Variants in EPHA5 observed in about 807,000 individuals in gnomAD.
The protein encoded by EPHA5 is ephrin type-A receptor 5.
EPHA5 carries 60 observed loss-of-function variants against 105.0 expected under a neutral mutation model. The observed-to-expected ratio is 0.57, with a 90% CI of 0.46 to 0.71. The LOEUF is 0.71. Ranked by LOEUF, EPHA5 falls within the 30% of genes least tolerant of loss-of-function variation. The probability of loss-of-function intolerance (pLI) is 0.00; values close to 1 mark genes in which losing one functional copy is unlikely to be tolerated. For missense variants in EPHA5, 1,218 were observed against 1,274.7 expected (o/e 0.96, Z 0.68); for synonymous variants, 513 against 449.1 (o/e 1.14, Z -1.80).
chr4:65,551,635 C>T (rs1477403121), intron 3 of EPHA5, among the ~76,000 whole-genome samples: 3 of 152,030 alleles, frequency 2.0e-5, no homozygotes. Flanking sequence ...TGTGTTGTGG[C>T]ATAGTTCCTA....
At chr4:65,361,932 A>G (rs1717367548) in intron 11 of EPHA5, among the ~76,000 whole-genome samples, 1 of 151,564 alleles carries the variant, frequency 6.6e-6, no homozygotes, top group African/African-American at 2.4e-5. Flanking sequence ...AGGATGCTGC[A>G]GTGAAAAAAT....
At chr4:65,398,527 T>TG (rs1305393546) in intron 8 of EPHA5, among the ~76,000 whole-genome samples, 3 of 152,080 alleles carry the variant, frequency 2.0e-5, no homozygotes, top group African/African-American at 7.2e-5. Context: ...GCCTGAAGCC[T>TG]GGGGGCTAAG....
chr4:65,433,941 T>A (rs1725236932), intron 5 of EPHA5, among the ~76,000 whole-genome samples: 1 of 151,798 alleles, frequency 6.6e-6, no homozygotes, highest in South Asian at 2.1e-4. Flanking sequence ...CTACAACTAC[T>A]CTACTCGGGA....
intron 5 of EPHA5, among the ~76,000 whole-genome samples, chr4:65,429,473 A>T (rs917612269): frequency 2.6e-5 from 4 of 152,054 alleles, no homozygotes; most frequent in African/African-American, 9.7e-5. Flanking sequence ...ACTAACAGTA[A>T]CAAGGCCATA....
In EPHA5 at chr4:65,348,675, TATATATATATATATATATATATAA is replaced by T. The variant is rs1232678643; in HGVS notation, c.2446-496_2446-473del. Among the ~76,000 whole-genome samples, 27 of 76,892 alleles carry T rather than the reference TATATATATATATATATATATATAA, an allele frequency of 3.5e-4. 1 individual carries two copies. Among genetic ancestry groups the T allele is most frequent in the Non-Finnish European group, 5.9e-4 (21 of 35,526 alleles). 50.4% of individuals were successfully genotyped at this position (76,892 alleles called of 152,430 possible). A position where few individuals can be genotyped will look rare whatever the true frequency, so the allele number is the denominator to read the frequency against. ...AACATTGGAGATATATATATATATA[TATATATATATATATATATATATAA>T]AATATATATGTGTGTGTATATATAT... On this transcript the variant is annotated intron_variant, in intron 13 of 16. Transcript: ENST00000613740.
intron 5 of EPHA5, among the ~76,000 whole-genome samples, chr4:65,446,415 G>A (rs1180428657): frequency 6.6e-6 from 1 of 152,036 alleles, no homozygotes; most frequent in Non-Finnish European, 1.5e-5. Flanking sequence ...TGACACTACA[G>A]GAAAAGGAAA....
intron 3 of EPHA5, among the ~76,000 whole-genome samples, chr4:65,597,491 GA>G (rs5858972): frequency 0.37 from 56,699 of 151,396 alleles, 11,239 homozygotes; most frequent in African/African-American, 0.51. Flanking sequence ...GTCTTAAGGG[GA>G]AAAAAATAGC....
intron 1 of EPHA5, among the ~76,000 whole-genome samples, chr4:65,653,796 A>G (rs549381858): frequency 6.6e-6 from 1 of 152,212 alleles, no homozygotes; most frequent in East Asian, 1.9e-4. Flanking sequence ...TTTTTCTGTG[A>G]TATTGTGGCA....
chr4:65,476,283 AT>A (rs1230177793), intron 5 of EPHA5, among the ~76,000 whole-genome samples: 1 of 152,146 alleles, frequency 6.6e-6, no homozygotes, highest in Admixed American at 6.6e-5. Context: ...AAGATTGAAA[AT>A]ACTGTGAATT....
chr4:65,557,174 G>C (rs565529563), intron 3 of EPHA5, among the ~76,000 whole-genome samples: 2 of 144,016 alleles, frequency 1.4e-5, no homozygotes, highest in East Asian at 4.1e-4. Context: ...TGGGGACGGG[G>C]CATGGTGAGA....
At chr4:65,551,452 TC>T (rs1737916751) in intron 3 of EPHA5, among the ~76,000 whole-genome samples, 2 of 152,066 alleles carry the variant, frequency 1.3e-5, no homozygotes, top group Non-Finnish European at 2.9e-5. Context: ...CAATTGACTG[TC>T]CTTAATCAAA....
At chr4:65,655,532 A>G (rs1748981203) in intron 1 of EPHA5, among the ~76,000 whole-genome samples, 1 of 152,126 alleles carries the variant, frequency 6.6e-6, no homozygotes, top group Non-Finnish European at 1.5e-5. Flanking sequence ...TTGCAATAAT[A>G]GTCTCTAAAT....
At position 65,429,391 on chromosome 4, in the gene EPHA5, T is replaced by A. The variant is rs112935941; in HGVS notation, c.1403-8826A>T. On this transcript the variant is annotated intron_variant, in intron 5 of 16. Coordinates refer to ENST00000613740, the MANE Select transcript of EPHA5 (RefSeq NM_001281766.3). ...CAGAAACAAATTTTTATAGCTTATGTTTAACAAGAAAAAATTAGTCTCCTC... is the reference window on the plus strand; with the variant it reads ...CAGAAACAAATTTTTATAGCTTATGATTAACAAGAAAAAATTAGTCTCCTC... Among the ~76,000 whole-genome samples, 220 of 151,848 alleles carry A rather than the reference T, an allele frequency of 1.4e-3. 1 individual carries two copies. Among genetic ancestry groups the A allele is most frequent in the African/African-American group, 4.5e-3 (187 of 41,548 alleles).
chr4:65,533,215 G>GA (rs1735986257), intron 3 of EPHA5, among the ~76,000 whole-genome samples: 1 of 151,728 alleles, frequency 6.6e-6, no homozygotes, highest in Non-Finnish European at 1.5e-5. Flanking sequence ...TAGGCTTGCT[G>GA]CTTAAGGCTT....
chr4:65,409,528 G>A (rs1434628814), intron 7 of EPHA5, among the ~76,000 whole-genome samples: 1 of 151,952 alleles, frequency 6.6e-6, no homozygotes, highest in Non-Finnish European at 1.5e-5. Flanking sequence ...CACACTCCTG[G>A]TTGTAGACCC....
chr4:65,448,087 A>G (rs1380441137), intron 5 of EPHA5, among the ~76,000 whole-genome samples: 1 of 149,534 alleles, frequency 6.7e-6, no homozygotes, highest in African/African-American at 2.4e-5. Context: ...TGAAAACTGT[A>G]AAAATCATAA....
At chr4:65,652,065 A>G (rs1427755985) in intron 1 of EPHA5, among the ~76,000 whole-genome samples, 1 of 152,190 alleles carries the variant, frequency 6.6e-6, no homozygotes. Context: ...TTTTATTCTA[A>G]AAAGAAAAGC....
At chr4:65,331,441 C>T (rs963232562) in intron 16 of EPHA5, 18 of 1,046,104 alleles carry the variant, frequency 1.7e-5, no homozygotes, top group Admixed American at 1.1e-4. Context: ...AAATCAGAGG[C>T]GGGATCTGAT....
chr4:65,330,906 G>T (rs1720552159), intron 16 of EPHA5: 1 of 1,037,840 alleles, frequency 9.6e-7, no homozygotes, highest in African/African-American at 1.7e-5. Context: ...TTAGTTATCG[G>T]TATGAAGGAA....
Sources: gnomAD v4.1 joint callset for allele counts (sites outside exome capture counted in the v4.1 genomes callset) on GRCh38, gnomAD v4.1.1 for gene constraint, MANE v1.5 for transcripts, NCBI Gene and HGNC (gene_info 2026-07-23, HGNC 2026-07-21) for gene names.